The following NPAS3 variants were observed in gnomAD, a reference collection of about 807,000 sequenced individuals.
NPAS3 encodes the protein neuronal PAS domain-containing protein 3.
In NPAS3, 14 loss-of-function variants were observed where a neutral mutation model predicts 73.1. The observed-to-expected ratio is 0.19, with a 90% CI of 0.13 to 0.30. The LOEUF is 0.30. Ranked by LOEUF, NPAS3 falls within the 10% of genes least tolerant of loss-of-function variation. The pLI is 1.00. For synonymous variants in NPAS3, 620 were observed against 541.5 expected, an observed-to-expected ratio of 1.14 and a Z score of -2.01; for missense variants, 1,096 against 1,250.0, an observed-to-expected ratio of 0.88 and a Z score of 1.86.
intron 4 of NPAS3, among the ~76,000 whole-genome samples, chr14:33,467,748 G>T (rs1046563249): frequency 1.3e-5 from 2 of 152,112 alleles, no homozygotes; most frequent in Non-Finnish European, 2.9e-5. Context: ...GGGCTCGGAG[G>T]CCTCAGAATC....
chr14:32,939,240 C>T (rs1471893265), upstream of NPAS3: 1 of 582,870 alleles, frequency 1.7e-6, no homozygotes, highest in Non-Finnish European at 3.1e-6. Flanking sequence ...CACACGCACA[C>T]CCCCGCCCGC....
chr14:33,603,600 G>A (rs1371688529), intron 5 of NPAS3, among the ~76,000 whole-genome samples: 3 of 152,128 alleles, frequency 2.0e-5, no homozygotes, highest in Non-Finnish European at 4.4e-5. Context: ...CTTAGATGCA[G>A]AACAATGAGA....
intron 4 of NPAS3, among the ~76,000 whole-genome samples, chr14:33,505,097 G>A (rs1219048611): frequency 1.3e-5 from 2 of 151,988 alleles, no homozygotes; most frequent in African/African-American, 4.8e-5. Flanking sequence ...AATACACACA[G>A]CAGTTATTTA....
chr14:33,195,034 A>G (rs150882513), intron 2 of NPAS3, among the ~76,000 whole-genome samples: 12 of 151,832 alleles, frequency 7.9e-5, no homozygotes, highest in Non-Finnish European at 1.5e-4. Flanking sequence ...ACTGGTGTGG[A>G]CTAGATACAG....
intron 1 of NPAS3, among the ~76,000 whole-genome samples, chr14:33,041,832 G>A (rs1243708186): frequency 2.0e-5 from 3 of 152,164 alleles, no homozygotes; most frequent in Non-Finnish European, 2.9e-5. Context: ...AGGAAGAGGA[G>A]TTGGTCAACA....
chr14:33,537,899 C>G (rs1022444347), intron 4 of NPAS3, among the ~76,000 whole-genome samples: 2 of 152,158 alleles, frequency 1.3e-5, no homozygotes, highest in Middle Eastern at 3.2e-3. Context: ...CTCGCCTTGA[C>G]GATCTGAGCT....
In NPAS3 at chr14:33,216,364, A is replaced by G. The variant is rs533021484; in HGVS notation, c.385+938A>G. Among the ~76,000 whole-genome samples the G allele has an allele frequency of 7.9e-5, 12 of 152,306 alleles. No individual in the cohort carries two copies. In the South Asian group the frequency reaches 2.3e-3, roughly 29 times the overall value. On this transcript the variant is annotated intron_variant, in intron 3 of 11. Coordinates refer to ENST00000356141, the Ensembl canonical transcript of NPAS3. ...CCCTGTACTCTTGGCTATGATAGGA[A>G]AGGGTACTAGTCGGGAGCTGTAATC...
At chr14:32,964,580 T>G (rs761836570) in intron 1 of NPAS3, among the ~76,000 whole-genome samples, 1 of 152,250 alleles carries the variant, frequency 6.6e-6, no homozygotes, top group Non-Finnish European at 1.5e-5. Context: ...GAAAAAATTC[T>G]GAAGATTTAA....
chr14:33,146,285 A>G (rs999335976), intron 2 of NPAS3, among the ~76,000 whole-genome samples: 7 of 152,200 alleles, frequency 4.6e-5, no homozygotes, highest in Non-Finnish European at 1.5e-5. Context: ...AGTGTTATCC[A>G]GACAAGGGTT....
intron 3 of NPAS3, among the ~76,000 whole-genome samples, chr14:33,286,122 A>G (rs1272880314): frequency 6.6e-6 from 1 of 152,150 alleles, no homozygotes; most frequent in African/African-American, 2.4e-5. Context: ...CTGAAATACA[A>G]TCAATGAGTT....
At chr14:33,084,802 C>T (rs768053584) in intron 2 of NPAS3, among the ~76,000 whole-genome samples, 4 of 152,088 alleles carry the variant, frequency 2.6e-5, no homozygotes, top group Admixed American at 6.6e-5. Context: ...CTCTGGAAAC[C>T]GTCTGCCCTC....
At chr14:33,720,714 C>T (rs908292030) in intron 6 of NPAS3, among the ~76,000 whole-genome samples, 2 of 152,070 alleles carry the variant, frequency 1.3e-5, no homozygotes, top group Non-Finnish European at 2.9e-5. Flanking sequence ...TTTGAGAATT[C>T]CACTCTTCCT....
At chr14:33,748,041 A>G (rs1041992413) in intron 7 of NPAS3, among the ~76,000 whole-genome samples, 5 of 152,246 alleles carry the variant, frequency 3.3e-5, no homozygotes, top group African/African-American at 9.6e-5. Context: ...CTACTACAGT[A>G]TAACAGGAAA....
intron 4 of NPAS3, among the ~76,000 whole-genome samples, chr14:33,489,076 G>C (rs1595010834): frequency 6.6e-6 from 1 of 152,160 alleles, no homozygotes; most frequent in Non-Finnish European, 1.5e-5. Flanking sequence ...GTGATACTTA[G>C]AGACAGTGAG....
chr14:33,324,732 T>G (rs2043613795), intron 3 of NPAS3, among the ~76,000 whole-genome samples: 1 of 152,326 alleles, frequency 6.6e-6, no homozygotes, highest in South Asian at 2.1e-4. Context: ...ATGGCTCTTT[T>G]GGTGTCCTTC....
At chr14:33,721,893 T>C (rs1225119267) in intron 6 of NPAS3, among the ~76,000 whole-genome samples, 2 of 152,116 alleles carry the variant, frequency 1.3e-5, no homozygotes, top group Non-Finnish European at 2.9e-5. Flanking sequence ...AATGCAATAA[T>C]AAAATGGAGA....
chr14:33,101,132 G>A (rs2042564568), intron 2 of NPAS3, among the ~76,000 whole-genome samples: 1 of 151,884 alleles, frequency 6.6e-6, no homozygotes, highest in African/African-American at 2.4e-5. Flanking sequence ...TCACCGCCCT[G>A]CCCCCCACAC....
intron 2 of NPAS3, among the ~76,000 whole-genome samples, chr14:33,163,620 G>GTTTTTTTTTTTTTTTT (rs1555347674): frequency 1.0e-5 from 1 of 96,114 alleles, no homozygotes; most frequent in Non-Finnish European, 2.3e-5. Flanking sequence ...GAAGTGTTTT[G>GTTTTTTTTTTTTTTTT]TTGTTTTTTT....
In NPAS3 at chr14:33,395,450, A is replaced by G. The variant is rs534688986; in HGVS notation, c.468+28182A>G. Among the ~76,000 whole-genome samples, 18 of 152,060 alleles carry G rather than the reference A, an allele frequency of 1.2e-4. 1 individual carries two copies. The East Asian group carries it at 3.5e-3, about 30-fold the overall frequency. On this transcript the variant is annotated intron_variant, in intron 4 of 11. Coordinates refer to ENST00000356141, the Ensembl canonical transcript of NPAS3. ...AAATAAATTCTTTGTAAATATCACCACTTGGGATACATTTGTTACAGCCTG... is the reference window on the plus strand; with the variant it reads ...AAATAAATTCTTTGTAAATATCACCGCTTGGGATACATTTGTTACAGCCTG...
Sources: gnomAD v4.1 joint callset for allele counts (sites outside exome capture counted in the v4.1 genomes callset) on GRCh38, gnomAD v4.1.1 for gene constraint, MANE v1.5 for transcripts, NCBI Gene and HGNC (gene_info 2026-07-23, HGNC 2026-07-21) for gene names.